The following DKK2 variants were observed in gnomAD, a reference collection of about 807,000 sequenced individuals.
DKK2 encodes the protein dickkopf Wnt signaling pathway inhibitor 2.
A neutral mutation model predicts 28.1 loss-of-function variants in DKK2; 11 were observed. That is an observed-to-expected ratio of 0.39 (90% CI 0.25 to 0.65). The LOEUF is 0.65. DKK2 is among the 30% of genes least tolerant of loss of function. The pLI, the probability that DKK2 is intolerant of heterozygous loss-of-function variation, is 0.47. For synonymous variants in DKK2, 135 were observed against 126.5 expected (o/e 1.07, Z -0.45); for missense variants, 326 against 335.5 (o/e 0.97, Z 0.22).
chr4:106,928,996 TG>T (rs1368694157), intron 1 of DKK2, among the ~76,000 whole-genome samples: 155 of 152,272 alleles, frequency 1.0e-3, no homozygotes, highest in African/African-American at 3.5e-3. Context: ...ATGAAAGGAC[TG>T]CTGGAGGGAA....
chr4:107,033,753 A>G (rs549623413), intron 1 of DKK2, among the ~76,000 whole-genome samples: 1 of 152,258 alleles, frequency 6.6e-6, no homozygotes, highest in Non-Finnish European at 1.5e-5. Flanking sequence ...GTAGCATTAG[A>G]GGAGTCATGA....
chr4:107,019,459 G>A (rs186967385), intron 1 of DKK2, among the ~76,000 whole-genome samples: 2 of 151,912 alleles, frequency 1.3e-5, no homozygotes, highest in Non-Finnish European at 2.9e-5. Flanking sequence ...ACAGGGTTTA[G>A]GGAAGGTTAA....
intron 1 of DKK2, among the ~76,000 whole-genome samples, chr4:107,011,330 G>C (rs1381014567): frequency 6.6e-6 from 1 of 151,424 alleles, no homozygotes; most frequent in Non-Finnish European, 1.5e-5. Flanking sequence ...GAATTCTGCG[G>C]ACCTAGAAAG....
chr4:107,034,555 G>T (rs931221467), intron 1 of DKK2, among the ~76,000 whole-genome samples: 3 of 152,162 alleles, frequency 2.0e-5, no homozygotes, highest in Non-Finnish European at 4.4e-5. Context: ...AGACAGAGGC[G>T]CCTGCGGAAA....
At chr4:106,928,287 A>T (rs960050277) in intron 1 of DKK2, among the ~76,000 whole-genome samples, 1 of 152,170 alleles carries the variant, frequency 6.6e-6, no homozygotes, top group Non-Finnish European at 1.5e-5. Context: ...ATATTAGAAA[A>T]TACATAGTTT....
chr4:107,014,483 A>G (rs192474030), intron 1 of DKK2, among the ~76,000 whole-genome samples: 1 of 151,558 alleles, frequency 6.6e-6, no homozygotes, highest in Admixed American at 6.6e-5. Flanking sequence ...CCAGAGACTA[A>G]GAAAGGAGGG....
At chr4:106,981,790 AC>A (rs1723029603) in intron 1 of DKK2, among the ~76,000 whole-genome samples, 1 of 151,998 alleles carries the variant, frequency 6.6e-6, no homozygotes, top group African/African-American at 2.4e-5. Flanking sequence ...TTTTTTACCA[AC>A]CATTTTTGCT....
At chr4:106,968,378 G>A (rs1318772605) in intron 1 of DKK2, among the ~76,000 whole-genome samples, 3 of 152,060 alleles carry the variant, frequency 2.0e-5, no homozygotes, top group African/African-American at 7.2e-5. Context: ...GATAAGCCCA[G>A]GATAATCAAC....
At position 106,940,115 on chromosome 4, in the gene DKK2, C is replaced by T. The variant is rs909149558; in HGVS notation, c.223-14166G>A. Among the ~76,000 whole-genome samples, 22 of 152,198 alleles carry T rather than the reference C, an allele frequency of 1.4e-4. No individual in the cohort carries two copies. The East Asian group carries it at 2.5e-3, about 17-fold the overall frequency. On this transcript the variant is annotated intron_variant, in intron 1 of 3. Transcript: ENST00000285311. ...AAAGCCAAAATTGACAAATGGGATC[C>T]AATTAAACTCAAGAGCTTCTGCACA...
At chr4:106,940,970 A>AG (rs1724688439) in intron 1 of DKK2, among the ~76,000 whole-genome samples, 1 of 151,358 alleles carries the variant, frequency 6.6e-6, no homozygotes, top group East Asian at 2.0e-4. Context: ...TGGTGGGGTG[A>AG]GGGGGGAGGG....
At chr4:106,936,548 T>C (rs1724591250) in intron 1 of DKK2, among the ~76,000 whole-genome samples, 1 of 152,128 alleles carries the variant, frequency 6.6e-6, no homozygotes, top group Non-Finnish European at 1.5e-5. Context: ...CTCTGCAGGA[T>C]ATTATCCAGG....
At chr4:106,932,952 G>A (rs115372876) in intron 1 of DKK2, among the ~76,000 whole-genome samples, 1,611 of 152,242 alleles carry the variant, frequency 0.011, 13 homozygotes, top group Middle Eastern at 0.031. Context: ...TTGAGTGACC[G>A]TTAGCTAAAT....
intron 1 of DKK2, among the ~76,000 whole-genome samples, chr4:106,952,873 AAC>A (rs1722493354): frequency 6.6e-6 from 1 of 152,160 alleles, no homozygotes; most frequent in Non-Finnish European, 1.5e-5. Context: ...TTAGCATGTC[AAC>A]AGTCTGTTTT....
At chr4:106,991,023 T>G (rs1288547377) in intron 1 of DKK2, among the ~76,000 whole-genome samples, 1 of 152,192 alleles carries the variant, frequency 6.6e-6, no homozygotes, top group African/African-American at 2.4e-5. Context: ...TGAAAAATTT[T>G]TGTTCTGTGA....
chr4:106,968,656 G>A (rs897222214), intron 1 of DKK2, among the ~76,000 whole-genome samples: 43 of 152,026 alleles, frequency 2.8e-4, no homozygotes, highest in African/African-American at 8.9e-4. Context: ...AACAGATAGT[G>A]GGAATTTTAT....
chr4:106,997,355 T>G (rs1273359987), intron 1 of DKK2, among the ~76,000 whole-genome samples: 1 of 152,200 alleles, frequency 6.6e-6, no homozygotes, highest in Non-Finnish European at 1.5e-5. Context: ...TAGACATCCT[T>G]TCCTGGTTAA....
At chr4:106,938,913 C>G (rs373009643) in intron 1 of DKK2, among the ~76,000 whole-genome samples, 13 of 151,116 alleles carry the variant, frequency 8.6e-5, no homozygotes, top group South Asian at 4.2e-4. Flanking sequence ...ATTCAACAAC[C>G]CTTCATGCTA....
rs1185786147 is a variant in DKK2, at chr4:106,989,865, A to G, written c.222+45505T>C. Among the ~76,000 whole-genome samples the G allele has an allele frequency of 2.0e-5, 3 of 152,222 alleles. No individual in the cohort carries two copies. The East Asian group carries it at 5.8e-4, about 29-fold the overall frequency. ...GGGACTATCCAATAGTCAAAGCCAC[A>G]TAGTATTTTAAAATTTTCTAGTAAA... On this transcript the variant is annotated intron_variant, in intron 1 of 3. Coordinates refer to ENST00000285311, the MANE Select transcript of DKK2 (RefSeq NM_014421.3).
At chr4:106,991,476 A>G (rs1383687899) in intron 1 of DKK2, among the ~76,000 whole-genome samples, 1 of 152,148 alleles carries the variant, frequency 6.6e-6, no homozygotes, top group Non-Finnish European at 1.5e-5. Flanking sequence ...TTGTCATCCC[A>G]TTAGTCAAGA....
Sources: allele counts gnomAD v4.1 joint callset (sites outside exome capture counted in the v4.1 genomes callset), GRCh38; gene constraint gnomAD v4.1.1; transcripts MANE v1.5; gene names NCBI Gene and HGNC (gene_info 2026-07-23, HGNC 2026-07-21).